RNF213: variants seen among roughly 807,000 people sequenced by gnomAD.
The protein encoded by RNF213 is ring finger protein 213.
RNF213 carries 341 observed loss-of-function variants against 514.4 expected under a neutral mutation model. The observed-to-expected ratio is 0.66, with a 90% confidence interval of 0.61 to 0.73. The LOEUF (loss-of-function observed/expected upper bound fraction) is 0.73. RNF213 is among the 30% of genes least tolerant of loss of function. The pLI, the probability that RNF213 is intolerant of heterozygous loss-of-function variation, is 0.00. For synonymous variants in RNF213, 2,655 were observed against 2,658.2 expected, an observed-to-expected ratio of 1.00 and a Z score of 0.04; for missense variants, 5,767 against 6,615.6, an observed-to-expected ratio of 0.87 and a Z score of 4.45.
intron 31 of RNF213, among the ~76,000 whole-genome samples, chr17:80,350,921 A>G (rs956423760): frequency 1.3e-5 from 2 of 152,238 alleles, no homozygotes; most frequent in Non-Finnish European, 2.9e-5. Context: ...GAATTATACA[A>G]TTTGAATTTA....
At position 80,315,146 on chromosome 17, in the gene RNF213, A is replaced by G. The variant is rs147222472; in HGVS notation, c.2811+1979A>G. 1.5e-3 allele frequency among the ~76,000 whole-genome samples: 4 copies of G among 2,676 alleles called. 1 individual carries two copies. Among genetic ancestry groups the G allele is most frequent in the Non-Finnish European group, 2.4e-3 (4 of 1,660 alleles). 1.8% of individuals were successfully genotyped at this position (2,676 alleles called of 152,430 possible). A position where few individuals can be genotyped will look rare whatever the true frequency, so the allele number is the denominator to read the frequency against. On this transcript the variant is annotated intron_variant, in intron 15 of 67. Transcript: ENST00000582970. ...TGGAGGTACTGGAGGTGATGGTGGT[A>G]AAGGTGATGGTGGAGGTAATGGAGG...
In RNF213 at chr17:80,339,967, C is replaced by T. The variant is rs775867186; in HGVS notation, c.5600C>T (p.Pro1867Leu). The change falls in exon 26 of 68, where the codon CCG becomes CTG. Residue 1867 changes from proline to leucine, a missense_variant. Coordinates refer to ENST00000582970, the MANE Select transcript of RNF213 (RefSeq NM_001256071.3). ...TACGATGAGGTGCTGCTCTGCACCC[C>T]GGCAACCACCTTTGAGGAGGTGGCA... is the stretch of plus-strand genomic sequence containing the variant. ...PTYDEVLLCTPATTFEEVALL... is the reference protein window; with the variant it reads ...PTYDEVLLCTLATTFEEVALL... 27 of 1,537,032 alleles carry T rather than the reference C, an allele frequency of 1.8e-5. No individual in the cohort carries two copies. The East Asian group carries it at 2.2e-4, about 13-fold the overall frequency.
At chr17:80,369,023 G>A (rs1356688706) in intron 44 of RNF213, among the ~76,000 whole-genome samples, 1 of 152,192 alleles carries the variant, frequency 6.6e-6, no homozygotes, top group Non-Finnish European at 1.5e-5. Context: ...TTCCAGAAAG[G>A]GATGCATGTA....
intron 3 of RNF213, among the ~76,000 whole-genome samples, 200 bp downstream of exon 3, chr17:80,273,604 C>T (rs973996738): frequency 6.7e-6 from 1 of 149,324 alleles, no homozygotes; most frequent in African/African-American, 2.5e-5. Flanking sequence ...CCCCTGGGGC[C>T]TCCACCGTCT....
At chr17:80,355,824 A>AG (rs533357285) in intron 36 of RNF213, among the ~76,000 whole-genome samples, 5 of 127,442 alleles carry the variant, frequency 3.9e-5, no homozygotes, top group South Asian at 2.6e-4. Context: ...GGCTTACAGG[A>AG]GAAGAAGCGG....
chr17:80,348,050 C>T lies in RNF213; in HGVS notation c.9715C>T (p.Pro3239Ser). Reference sequence around the variant, plus strand: ...GCTGCAGGTCATAGAGAGGCAGGGTCCCCGGGCCTTGACGGAGGAACTTCA... The same window carrying T: ...GCTGCAGGTCATAGAGAGGCAGGGTTCCCGGGCCTTGACGGAGGAACTTCA... ...VVLQVIERQG[P>S]RALTEELHQK... Residue 3239 changes from proline (P) to serine (S), a missense_variant, in exon 29 of 68, where the codon CCC becomes TCC. Pro to Ser is a moderately conservative substitution (Grantham distance 74). Coordinates refer to ENST00000582970, the MANE Select transcript of RNF213 (RefSeq NM_001256071.3). 6.2e-7 allele frequency: 1 copy of T among 1,614,164 alleles called. No homozygotes were observed. The highest frequency in any genetic ancestry group is 8.5e-7 in the Non-Finnish European group (1 of 1,180,044).
At position 80,347,876 on chromosome 17, in the gene RNF213, G is replaced by C; in HGVS notation, c.9541G>C (p.Glu3181Gln). The change falls in exon 29 of 68, where the codon GAG becomes CAG. Residue 3181 changes from glutamate to glutamine, a missense_variant. This residue lies in a region of RNF213 where 919 missense variants were observed against 1,121.0 expected (regional missense o/e 0.82). Coordinates refer to ENST00000582970, the MANE Select transcript of RNF213 (RefSeq NM_001256071.3). The surrounding 1 kb of genome is among the most constrained non-coding windows in gnomAD (Gnocchi z 7.2). ...CTATCTGGATATCAACACGGTGCTG[G>C]AGAAATGGCAGAAGAGCATCGTGGA... ...KHYLDINTVL[E>Q]KWQKSIVEEL... 1 of 1,614,260 alleles carries C rather than the reference G, an allele frequency of 6.2e-7. No individual in the cohort carries two copies. Among genetic ancestry groups the C allele is most frequent in the Non-Finnish European group, 8.5e-7 (1 of 1,180,050 alleles).
chr17:80,290,355 GTA>G (rs1415864715), intron 6 of RNF213, among the ~76,000 whole-genome samples: 5 of 152,046 alleles, frequency 3.3e-5, no homozygotes, highest in African/African-American at 1.2e-4. Flanking sequence ...GCGTGTGCAT[GTA>G]TGTGTGCGTG....
intron 3 of RNF213, among the ~76,000 whole-genome samples, chr17:80,273,996 T>A (rs1252595088): frequency 6.6e-6 from 1 of 152,146 alleles, no homozygotes; most frequent in Non-Finnish European, 1.5e-5. Context: ...GGGCCTGAGC[T>A]TCTGCCGTGT....
Position 80,390,196 on chromosome 17 carries a change from G to A in RNF213, c.15470G>A (p.Ser5157Asn). 6.2e-7 allele frequency: 1 copy of A among 1,613,982 alleles called. No homozygotes were observed. The highest frequency in any genetic ancestry group is 8.5e-7 in the Non-Finnish European group (1 of 1,180,002). ...GAGGAGCGCTTCCGCCCTCAGTGGA[G>A]GTATGGATTTGCACACCTATGGGGC... ...QTEERFRPQW[S>N]LRDTLVSYMQ... The change falls in exon 67 of 68, where the codon AGC becomes AAC. Residue 5157 changes from serine to asparagine, a missense_variant and splice_region_variant. Ser to Asn is a conservative substitution (Grantham distance 46). Transcript: ENST00000582970.
chr17:80,380,905 G>A lies in RNF213; in HGVS notation c.13715G>A (p.Arg4572Gln), dbSNP rs768367050. Reference sequence around the variant, plus strand: ...CGGAGAGACGTGGTGACATGTGACCGAGGGCTGCCCCCAGTGGTCTTCCTC... The same window carrying A: ...CGGAGAGACGTGGTGACATGTGACCAAGGGCTGCCCCCAGTGGTCTTCCTC... ...PQRRDVVTCD[R>Q]GLPPVVFLLI... Residue 4572 changes from arginine to glutamine, a missense_variant, in exon 56 of 68, where the codon CGA becomes CAA. Arg to Gln is a conservative substitution (Grantham distance 43). Coordinates refer to ENST00000582970, the MANE Select transcript of RNF213 (RefSeq NM_001256071.3). The A allele has an allele frequency of 7.4e-6, 12 of 1,614,028 alleles. No individual in the cohort carries two copies. Among genetic ancestry groups the A allele is most frequent in the African/African-American group, 2.7e-5 (2 of 74,900 alleles).
intron 59 of RNF213, chr17:80,384,791 G>C (rs1488819324): frequency 3.8e-6 from 2 of 532,668 alleles, no homozygotes; most frequent in Non-Finnish European, 6.8e-6. Context: ...TGATGGACGC[G>C]GCTGATGCGT....
Position 80,317,108 on chromosome 17 carries a change from CTCTG to C in RNF213, c.2812-76_2812-73del, listed in dbSNP as rs1259112911. The C allele has an allele frequency of 5.3e-5, 77 of 1,456,188 alleles. 1 individual carries two copies. In the South Asian group the frequency reaches 5.4e-4, roughly 10 times the overall value. The allele number at this position is 1,456,188 out of a possible 1,614,324, so 90.2% of individuals were successfully genotyped here. Reference sequence around the variant, plus strand: ...CCGCGCTCTCTGTATTGCCGTAATGCTCTGTCTTTCTCCTTTCATGGGAGTGTGC... The same window carrying C: ...CCGCGCTCTCTGTATTGCCGTAATGCTCTTTCTCCTTTCATGGGAGTGTGC... On this transcript the variant is annotated intron_variant, in intron 15 of 67. Transcript: ENST00000582970. This position sits in a 1 kb window ranked among gnomAD's most constrained non-coding sequence, Gnocchi z 4.1.
intron 44 of RNF213, 119 bp downstream of exon 44, chr17:80,368,262 G>C: frequency 7.1e-6 from 8 of 1,118,920 alleles, no homozygotes; most frequent in Non-Finnish European, 1.1e-5. Context: ...TGACCTCAGA[G>C]AACTATCATA....
At chr17:80,325,589 G>A (rs1198622577) in intron 18 of RNF213, among the ~76,000 whole-genome samples, 1 of 152,198 alleles carries the variant, frequency 6.6e-6, no homozygotes, top group Non-Finnish European at 1.5e-5. Context: ...CCAGACCCAG[G>A]TATGTCTTAT....
intron 11 of RNF213, among the ~76,000 whole-genome samples, chr17:80,302,698 AC>A (rs1214896029): frequency 6.6e-6 from 1 of 152,160 alleles, no homozygotes; most frequent in Non-Finnish European, 1.5e-5. Flanking sequence ...CTACAAAAAA[AC>A]AAACAAAAAA....
chr17:80,393,224 A>G, intron 67 of RNF213, 121 bp from the exon 68 acceptor site: 1 of 982,682 alleles, frequency 1.0e-6, no homozygotes, highest in Non-Finnish European at 1.6e-6. Context: ...CCACTGACCC[A>G]CCCACCTCAG....
At position 80,398,675 on chromosome 17, in the gene RNF213, G is replaced by A. The variant is rs2080707491; in HGVS notation, c.*5177G>A. The A allele has an allele frequency of 7.4e-6, 1 of 135,534 alleles. No individual in the cohort carries two copies. The highest frequency in any genetic ancestry group is 2.8e-5 in the African/African-American group (1 of 36,192). 8.4% of individuals were successfully genotyped at this position (135,534 alleles called of 1,614,324 possible). A position where few individuals can be genotyped will look rare whatever the true frequency, so the allele number is the denominator to read the frequency against. ...TGGCAGAGGCAAGGAAAGACCAGCA[G>A]AGAGAGAAAGAGGAAGAGACAGACA... On this transcript the variant is annotated 3_prime_UTR_variant, in exon 68 of 68. Coordinates refer to ENST00000582970, the MANE Select transcript of RNF213 (RefSeq NM_001256071.3).
intron 22 of RNF213, 65 bp downstream of exon 22, chr17:80,334,335 C>T (rs1229262344): frequency 2.7e-6 from 4 of 1,467,508 alleles, no homozygotes; most frequent in Non-Finnish European, 2.7e-6. Flanking sequence ...CACTGTGTGG[C>T]GTTCCTAAAC....
Sources: gnomAD v4.1 joint callset for allele counts (sites outside exome capture counted in the v4.1 genomes callset) on GRCh38, gnomAD v4.1.1 for gene constraint, gnomAD v4.1.1 regional missense constraint, Gnocchi (gnomAD v3.1) non-coding constraint, MANE v1.5 for transcripts, NCBI Gene and HGNC (gene_info 2026-07-23, HGNC 2026-07-21) for gene names.